Variants in THSD4 observed in about 807,000 individuals in gnomAD.
The protein encoded by THSD4 is thrombospondin type-1 domain-containing protein 4.
A neutral mutation model predicts 119.0 loss-of-function variants in THSD4; 69 were observed. The ratio of observed to expected loss-of-function variants is 0.58; its 90% CI spans 0.48 to 0.71. THSD4 has a LOEUF of 0.71. THSD4 is among the 30% of genes least tolerant of loss of function. THSD4 has a pLI of 0.00. For synonymous variants in THSD4, 524 were observed against 540.4 expected (o/e 0.97, Z 0.42); for missense variants, 1,393 against 1,391.1 (o/e 1.00, Z -0.02).
chr15:71,748,292 A>C, intron 13 of THSD4, 129 bp from the exon 14 acceptor site: 1 of 1,140,908 alleles, frequency 8.8e-7, no homozygotes, highest in African/African-American at 1.6e-5. Context: ...TCCCTGCCCC[A>C]GCTGGTGACA....
chr15:71,656,869 G>T (rs1166033431), intron 7 of THSD4, among the ~76,000 whole-genome samples: 1 of 152,166 alleles, frequency 6.6e-6, no homozygotes, highest in African/African-American at 2.4e-5. Context: ...GGACCTAGAA[G>T]ATAGTAAAGA....
At chr15:71,172,240 G>C (rs2141405519) in intron 3 of THSD4, 1 of 152,174 alleles carries the variant, frequency 6.6e-6, no homozygotes, top group Middle Eastern at 3.4e-3. Context: ...CAGGGGAATT[G>C]CTTGAACCTG....
chr15:71,548,184 C>T (rs1428553655), intron 7 of THSD4, among the ~76,000 whole-genome samples: 1 of 151,262 alleles, frequency 6.6e-6, no homozygotes, highest in Non-Finnish European at 1.5e-5. Context: ...TCATTGAGTC[C>T]AGAGAGGGAA....
chr15:71,610,293 C>T (rs1001364861), intron 7 of THSD4, among the ~76,000 whole-genome samples: 3 of 152,142 alleles, frequency 2.0e-5, no homozygotes, highest in Admixed American at 2.0e-4. Flanking sequence ...AGAGAGGGCA[C>T]CTTCTGCCAT....
chr15:71,672,240 T>C (rs1437944686), intron 8 of THSD4, among the ~76,000 whole-genome samples: 1 of 152,194 alleles, frequency 6.6e-6, no homozygotes, highest in African/African-American at 2.4e-5. Flanking sequence ...TTTATTCTCT[T>C]TGAAGCAATT....
chr15:71,239,939 C>T (rs540782062), intron 4 of THSD4, among the ~76,000 whole-genome samples: 3 of 152,310 alleles, frequency 2.0e-5, no homozygotes, highest in Admixed American at 2.0e-4. Context: ...AGTCAAATAC[C>T]TAGAAATCAG....
chr15:71,653,421 G>A (rs750620330), intron 7 of THSD4, among the ~76,000 whole-genome samples: 1 of 152,202 alleles, frequency 6.6e-6, no homozygotes, highest in Non-Finnish European at 1.5e-5. Flanking sequence ...TCAACTGAGG[G>A]TGATTTTGCT....
intron 7 of THSD4, among the ~76,000 whole-genome samples, chr15:71,599,215 T>C (rs971043208): frequency 6.6e-6 from 1 of 152,212 alleles, no homozygotes; most frequent in Non-Finnish European, 1.5e-5. Flanking sequence ...ATCCAATCTG[T>C]TGTCTCTAGC....
intron 7 of THSD4, among the ~76,000 whole-genome samples, chr15:71,442,660 G>GTGTGTGTA: frequency 1.7e-3 from 43 of 25,810 alleles, no homozygotes; most frequent in African/African-American, 4.2e-3. Flanking sequence ...GTGTGTGTGT[G>GTGTGTGTA]TATATATATA....
chr15:71,532,397 G>A (rs1243544553), intron 7 of THSD4, among the ~76,000 whole-genome samples: 1 of 148,706 alleles, frequency 6.7e-6, no homozygotes, highest in Non-Finnish European at 1.5e-5. Flanking sequence ...TGCAACCTCT[G>A]CCTCCTGGGT....
intron 8 of THSD4, among the ~76,000 whole-genome samples, chr15:71,696,190 G>A (rs1291947705): frequency 6.6e-6 from 1 of 152,186 alleles, no homozygotes; most frequent in Non-Finnish European, 1.5e-5. Flanking sequence ...TTAGCTCATA[G>A]TTCTGCAGGC....
At chr15:71,113,218 A>T (rs1306923978), upstream of THSD4, among the ~76,000 whole-genome samples, 82 of 152,350 alleles carry the variant, frequency 5.4e-4, no homozygotes, top group Admixed American at 5.2e-3. Flanking sequence ...AACAAGTATT[A>T]TCTTGACTTT....
chr15:71,614,442 C>G (rs1218250493), intron 7 of THSD4, among the ~76,000 whole-genome samples: 1 of 152,150 alleles, frequency 6.6e-6, no homozygotes, highest in Non-Finnish European at 1.5e-5. Flanking sequence ...TAAAGTCCTC[C>G]CTGCTAGTCT....
At chr15:71,613,044 A>C (rs2050257880) in intron 7 of THSD4, among the ~76,000 whole-genome samples, 1 of 152,200 alleles carries the variant, frequency 6.6e-6, no homozygotes, top group African/African-American at 2.4e-5. Context: ...AGCATTGTGA[A>C]ATTCACCTTG....
At chr15:71,292,837 C>T (rs34888983) in intron 6 of THSD4, among the ~76,000 whole-genome samples, 44,893 of 151,820 alleles carry the variant, frequency 0.3, 6,909 homozygotes, top group Admixed American at 0.39. Flanking sequence ...CCACCACGCC[C>T]GGCTGATTTT....
chr15:71,405,467 G>A (rs1007448295), intron 6 of THSD4, among the ~76,000 whole-genome samples: 5 of 152,146 alleles, frequency 3.3e-5, no homozygotes, highest in African/African-American at 1.2e-4. Context: ...CTAATGAATT[G>A]TCTTGGCACC....
At chr15:71,442,658 G>GTGTGTGTGTGTA (rs1403001889) in intron 7 of THSD4, among the ~76,000 whole-genome samples, 1 of 31,344 alleles carries the variant, frequency 3.2e-5, no homozygotes, top group African/African-American at 9.9e-5. Flanking sequence ...GTGTGTGTGT[G>GTGTGTGTGTGTA]TGTATATATA....
intron 6 of THSD4, among the ~76,000 whole-genome samples, chr15:71,391,338 G>A (rs565658152): frequency 2.6e-5 from 4 of 152,170 alleles, no homozygotes; most frequent in African/African-American, 7.2e-5. Flanking sequence ...AACTCATGCC[G>A]GCTAATTTTA....
At chr15:71,669,388 TTATC>T (rs1171055431) in intron 8 of THSD4, among the ~76,000 whole-genome samples, 1 of 152,224 alleles carries the variant, frequency 6.6e-6, no homozygotes, top group Non-Finnish European at 1.5e-5. Context: ...TCTGCTTAAA[TTATC>T]TATTACTCTG....
Sources: allele counts gnomAD v4.1 joint callset (sites outside exome capture counted in the v4.1 genomes callset), GRCh38; gene constraint gnomAD v4.1.1; transcripts MANE v1.5; gene names NCBI Gene and HGNC (gene_info 2026-07-23, HGNC 2026-07-21).